The following ZBTB7C variants were observed in gnomAD, a reference collection of about 807,000 sequenced individuals.
The protein encoded by ZBTB7C is zinc finger and BTB domain-containing protein 7C.
ZBTB7C carries 8 observed loss-of-function variants against 25.7 expected under a neutral mutation model. The observed-to-expected ratio is 0.31, with a 90% CI of 0.18 to 0.56. ZBTB7C has a LOEUF of 0.56. Among genes scored for constraint, ZBTB7C ranks in the 20% least tolerant of loss-of-function variants. The probability of loss-of-function intolerance (pLI) is 0.91; values close to 1 mark genes in which losing one functional copy is unlikely to be tolerated. For synonymous variants in ZBTB7C, 394 were observed against 369.0 expected (o/e 1.07, Z -0.78); for missense variants, 824 against 855.2 (o/e 0.96, Z 0.46).
intron 1 of ZBTB7C, among the ~76,000 whole-genome samples, chr18:48,361,405 T>C (rs1291879288): frequency 6.6e-6 from 1 of 152,176 alleles, no homozygotes; most frequent in East Asian, 1.9e-4. Context: ...TCACAGAGTC[T>C]CAGAGCCCAG....
At chr18:48,076,161 C>T (rs975615037) in intron 3 of ZBTB7C, among the ~76,000 whole-genome samples, 1 of 152,210 alleles carries the variant, frequency 6.6e-6, no homozygotes, top group Non-Finnish European at 1.5e-5. Flanking sequence ...TGGGTCCCCA[C>T]TAAATGAGCC....
intron 3 of ZBTB7C, among the ~76,000 whole-genome samples, chr18:48,128,478 G>A (rs1188283020): frequency 6.6e-6 from 1 of 152,208 alleles, no homozygotes. Context: ...CCAATGAGTG[G>A]ATAAAGAAAA....
chr18:48,307,868 T>C (rs2045713799), intron 2 of ZBTB7C, among the ~76,000 whole-genome samples: 2 of 152,024 alleles, frequency 1.3e-5, no homozygotes, highest in Non-Finnish European at 1.5e-5. Flanking sequence ...AATAAATAAA[T>C]AAATTGTACT....
chr18:48,408,077 A>C (rs938587955), intron 1 of ZBTB7C, among the ~76,000 whole-genome samples: 2 of 152,134 alleles, frequency 1.3e-5, no homozygotes, highest in Non-Finnish European at 2.9e-5. Context: ...GAAGCACCAG[A>C]AACTCCGGCT....
intron 3 of ZBTB7C, among the ~76,000 whole-genome samples, chr18:48,136,479 C>A (rs2040166095): frequency 6.6e-6 from 1 of 152,198 alleles, no homozygotes; most frequent in African/African-American, 2.4e-5. Flanking sequence ...CGCCGGCCCT[C>A]GACTTTTGCC....
At chr18:48,290,014 C>A (rs1044777664) in intron 2 of ZBTB7C, among the ~76,000 whole-genome samples, 2 of 152,218 alleles carry the variant, frequency 1.3e-5, no homozygotes, top group Non-Finnish European at 2.9e-5. Flanking sequence ...CTTGCTAAGG[C>A]TCAGTTTCCA....
chr18:48,033,729 C>T (rs1010568068), intron 4 of ZBTB7C, among the ~76,000 whole-genome samples: 4 of 152,214 alleles, frequency 2.6e-5, no homozygotes, highest in Non-Finnish European at 5.9e-5. Flanking sequence ...GATCTAATTA[C>T]TTCCAAGATA....
chr18:48,289,952 T>A (rs541045376), intron 2 of ZBTB7C, among the ~76,000 whole-genome samples: 1 of 152,168 alleles, frequency 6.6e-6, no homozygotes, highest in Non-Finnish European at 1.5e-5. Flanking sequence ...TAAACGAATT[T>A]GATATCTATG....
At chr18:48,367,232 C>A (rs1267003076) in intron 1 of ZBTB7C, among the ~76,000 whole-genome samples, 6 of 87,208 alleles carry the variant, frequency 6.9e-5, no homozygotes, top group Admixed American at 2.4e-4. Context: ...CACACACACA[C>A]ATACATACAC....
chr18:48,146,083 C>T (rs1368872059), intron 3 of ZBTB7C, among the ~76,000 whole-genome samples: 3 of 151,990 alleles, frequency 2.0e-5, no homozygotes, highest in East Asian at 3.9e-4. Context: ...TAGATACTTG[C>T]CTAAAATGCA....
intron 2 of ZBTB7C, among the ~76,000 whole-genome samples, chr18:48,221,705 C>T (rs2042963654): frequency 6.8e-6 from 1 of 147,822 alleles, no homozygotes; most frequent in African/African-American, 2.5e-5. Context: ...TCTCCCTATA[C>T]TGTCCAAGTC....
intron 1 of ZBTB7C, among the ~76,000 whole-genome samples, chr18:48,393,274 C>T: frequency 7.9e-6 from 1 of 126,380 alleles, no homozygotes; most frequent in Admixed American, 9.2e-5. Flanking sequence ...TGCCATCCCA[C>T]CAGGCCTGCT....
intron 3 of ZBTB7C, among the ~76,000 whole-genome samples, chr18:48,055,856 A>G (rs1216288674): frequency 6.6e-6 from 1 of 152,140 alleles, no homozygotes; most frequent in Admixed American, 6.5e-5. Flanking sequence ...CAGTGAAAAT[A>G]TTCTCAAGGC....
intron 2 of ZBTB7C, among the ~76,000 whole-genome samples, chr18:48,316,780 G>T (rs117588625): frequency 1.2e-3 from 187 of 152,270 alleles, no homozygotes; most frequent in Non-Finnish European, 2.2e-3. Flanking sequence ...TTTGTAAATT[G>T]CCCAGCCTCA....
intron 2 of ZBTB7C, among the ~76,000 whole-genome samples, chr18:48,204,980 AAGC>A (rs1487398266): frequency 6.6e-6 from 1 of 152,134 alleles, no homozygotes; most frequent in Non-Finnish European, 1.5e-5. Context: ...GAGAATAAAA[AAGC>A]AGCCCAGCTT....
intron 1 of ZBTB7C, among the ~76,000 whole-genome samples, chr18:48,389,368 CAA>C (rs36028137): frequency 0.39 from 42,871 of 109,066 alleles, 8,289 homozygotes; most frequent in African/African-American, 0.53. Flanking sequence ...AAAGATAGAC[CAA>C]AAAAAAAAAA....
At chr18:48,112,815 G>A (rs759748316) in intron 3 of ZBTB7C, among the ~76,000 whole-genome samples, 2 of 152,198 alleles carry the variant, frequency 1.3e-5, no homozygotes. Flanking sequence ...AGAGGATTGA[G>A]GATCGCATTC....
intron 1 of ZBTB7C, among the ~76,000 whole-genome samples, chr18:48,393,356 G>A (rs537348818): frequency 4.0e-5 from 6 of 151,022 alleles, no homozygotes; most frequent in South Asian, 4.2e-4. Context: ...GCACTTGCCC[G>A]GGCATGAAAC....
chr18:48,172,839 A>G (rs2041536054), intron 3 of ZBTB7C, among the ~76,000 whole-genome samples: 1 of 151,830 alleles, frequency 6.6e-6, no homozygotes, highest in Non-Finnish European at 1.5e-5. Context: ...AGCACAGTTC[A>G]GGGAGGAGAC....
Sources: gnomAD v4.1 joint callset for allele counts (sites outside exome capture counted in the v4.1 genomes callset) on GRCh38, gnomAD v4.1.1 for gene constraint, MANE v1.5 for transcripts, NCBI Gene and HGNC (gene_info 2026-07-23, HGNC 2026-07-21) for gene names.